Variants in CBFA2T2 observed in about 807,000 individuals in gnomAD.
CBFA2T2 encodes the protein CBFA2/RUNX1 partner transcriptional co-repressor 2.
CBFA2T2 carries 11 observed loss-of-function variants against 62.2 expected under a neutral mutation model. The ratio of observed to expected loss-of-function variants is 0.18; its 90% CI spans 0.11 to 0.29. The LOEUF (loss-of-function observed/expected upper bound fraction) is 0.29. CBFA2T2 is among the 10% of genes least tolerant of loss of function. The pLI is 1.00. For missense variants in CBFA2T2, 592 were observed against 774.1 expected (o/e 0.76, Z 2.79); for synonymous variants, 295 against 287.5 (o/e 1.03, Z -0.27).
intron 1 of CBFA2T2, among the ~76,000 whole-genome samples, chr20:33,558,000 T>C (rs2012958408): frequency 6.6e-6 from 1 of 152,164 alleles, no homozygotes; most frequent in Non-Finnish European, 1.5e-5. Context: ...TACGCCTGGC[T>C]AAATTTTTAG....
intron 1 of CBFA2T2, among the ~76,000 whole-genome samples, chr20:33,558,826 G>GGT (rs975086458): frequency 2.0e-5 from 3 of 151,820 alleles, no homozygotes; most frequent in African/African-American, 7.3e-5. Context: ...AACTGTTTGG[G>GGT]GGGGCGGCGA....
chr20:33,585,468 A>G lies in CBFA2T2; in HGVS notation c.35-21488A>G, dbSNP rs1337777097. On this transcript the variant is annotated intron_variant, in intron 1 of 10. Coordinates refer to ENST00000342704, the MANE Select transcript of CBFA2T2 (RefSeq NM_001032999.3). ...ATGCATTTCGCCAAGTGTTGAATGA[A>G]TGATCCTTCATAATTACAATTTTTA... Among the ~76,000 whole-genome samples, 3 of 152,146 alleles carry G rather than the reference A, an allele frequency of 2.0e-5. No individual in the cohort carries two copies. In the East Asian group the frequency reaches 5.8e-4, roughly 29 times the overall value.
intron 2 of CBFA2T2, among the ~76,000 whole-genome samples, chr20:33,610,868 T>G (rs1278653326): frequency 6.6e-6 from 1 of 152,214 alleles, no homozygotes; most frequent in East Asian, 1.9e-4. Context: ...ATTTCCCTTC[T>G]TATTGCTCTG....
intron 1 of CBFA2T2, among the ~76,000 whole-genome samples, chr20:33,566,466 C>T (rs529486015): frequency 7.3e-4 from 111 of 152,036 alleles, no homozygotes; most frequent in Admixed American, 1.8e-3. Context: ...ATTAGCCGGG[C>T]GTGGTGACAT....
At chr20:33,619,962 G>A (rs1436448295) in intron 4 of CBFA2T2, among the ~76,000 whole-genome samples, 1 of 152,182 alleles carries the variant, frequency 6.6e-6, no homozygotes, top group African/African-American at 2.4e-5. Context: ...TGTGAAGAGT[G>A]TTGTCTGAGA....
At chr20:33,620,061 G>A (rs1385926712) in intron 4 of CBFA2T2, among the ~76,000 whole-genome samples, 3 of 152,222 alleles carry the variant, frequency 2.0e-5, no homozygotes, top group African/African-American at 7.2e-5. Flanking sequence ...GTGTCTCCCC[G>A]AACCCCAGAT....
At chr20:33,499,940 G>C (rs952093340) in intron 1 of CBFA2T2, among the ~76,000 whole-genome samples, 2 of 151,894 alleles carry the variant, frequency 1.3e-5, no homozygotes, top group Non-Finnish European at 2.9e-5. Flanking sequence ...ATTATGCATT[G>C]AGTGTCCAAA....
In CBFA2T2 at chr20:33,605,160, G is replaced by C. The variant is rs1264888622; in HGVS notation, c.35-1796G>C. Among the ~76,000 whole-genome samples, 16 of 152,188 alleles carry C rather than the reference G, an allele frequency of 1.1e-4. 1 individual carries two copies. The highest frequency in any genetic ancestry group is 2.4e-4 in the Non-Finnish European group (16 of 68,030). ...CTGAAGCATAAAAATGGTATTTGGA[G>C]ATACTTTTCTACAAATACCATTGTG... On this transcript the variant is annotated intron_variant, in intron 1 of 10. Transcript: ENST00000342704.
chr20:33,616,128 GA>G (rs2015703907), intron 3 of CBFA2T2, among the ~76,000 whole-genome samples: 1 of 147,644 alleles, frequency 6.8e-6, no homozygotes, highest in Non-Finnish European at 1.5e-5. Context: ...TAGATAGATA[GA>G]TAGATGACAG....
Position 33,603,860 on chromosome 20 carries a change from A to G in CBFA2T2, c.35-3096A>G, listed in dbSNP as rs564331143. On this transcript the variant is annotated intron_variant, in intron 1 of 10. Transcript: ENST00000342704. ...GAAGTCACCATAACTAGGATGACAT[A>G]AAGGCATGTCATAGCCTTCTTCCTA... Among the ~76,000 whole-genome samples, 3 of 152,344 alleles carry G rather than the reference A, an allele frequency of 2.0e-5. No individual in the cohort carries two copies. The South Asian group carries it at 6.2e-4, about 32-fold the overall frequency.
rs1293917345 is a variant in CBFA2T2, at chr20:33,640,754, T to TAG, written c.1488+224_1488+225insGA. On this transcript the variant is annotated intron_variant, in intron 10 of 10. Coordinates refer to ENST00000342704, the MANE Select transcript of CBFA2T2 (RefSeq NM_001032999.3). ...GTATTTTTACATACATACATATATA[T>TAG]ATAGAGAGAGAGAGAGAGGCTCAGT... 4.3e-4 allele frequency among the ~76,000 whole-genome samples: 65 copies of TAG among 151,782 alleles called. 1 individual carries two copies. Among genetic ancestry groups the TAG allele is most frequent in the Middle Eastern group, 3.4e-3 (1 of 290 alleles).
chr20:33,504,529 G>A (rs925338605), intron 1 of CBFA2T2, among the ~76,000 whole-genome samples: 4 of 150,446 alleles, frequency 2.7e-5, no homozygotes, highest in Admixed American at 1.3e-4. Flanking sequence ...TCAGTCTGCC[G>A]AGTAGCTGGG....
intron 1 of CBFA2T2, among the ~76,000 whole-genome samples, chr20:33,529,691 A>C (rs905934233): frequency 1.3e-5 from 2 of 150,450 alleles, no homozygotes; most frequent in South Asian, 4.2e-4. Context: ...AACAAAAAAA[A>C]ACTAGGCATA....
chr20:33,537,234 C>T (rs1171216770), intron 1 of CBFA2T2, among the ~76,000 whole-genome samples: 3 of 152,248 alleles, frequency 2.0e-5, no homozygotes, highest in Non-Finnish European at 2.9e-5. Flanking sequence ...TCTGCAATCC[C>T]GGCACCTCGC....
intron 1 of CBFA2T2, among the ~76,000 whole-genome samples, chr20:33,503,254 C>CTTTTTTTTTTT (rs557746879): frequency 3.7e-5 from 4 of 108,644 alleles, no homozygotes; most frequent in African/African-American, 7.3e-5. Flanking sequence ...TTCTTTCTTT[C>CTTTTTTTTTTT]TTTTTTTTTT....
intron 1 of CBFA2T2, among the ~76,000 whole-genome samples, chr20:33,572,858 T>C (rs2013630399): frequency 6.6e-6 from 1 of 152,244 alleles, no homozygotes; most frequent in Non-Finnish European, 1.5e-5. Context: ...AAGATCATTC[T>C]TCCTGTCATA....
intron 1 of CBFA2T2, among the ~76,000 whole-genome samples, chr20:33,590,031 T>C (rs971223369): frequency 6.6e-6 from 1 of 151,800 alleles, no homozygotes; most frequent in African/African-American, 2.4e-5. Flanking sequence ...GGTGGCAGGA[T>C]CACTTGAGGC....
intron 8 of CBFA2T2, among the ~76,000 whole-genome samples, chr20:33,633,377 A>AT (rs1292639789): frequency 6.8e-6 from 1 of 147,506 alleles, no homozygotes; most frequent in Admixed American, 6.7e-5. Context: ...TCGCAAAAAA[A>AT]AAATAAATAA....
intron 8 of CBFA2T2, among the ~76,000 whole-genome samples, chr20:33,630,918 G>A (rs1230331105): frequency 6.6e-6 from 1 of 152,192 alleles, no homozygotes; most frequent in Admixed American, 6.5e-5. Flanking sequence ...CACAGCAGCA[G>A]CTCTGGAGCC....
Sources: allele counts gnomAD v4.1 joint callset (sites outside exome capture counted in the v4.1 genomes callset), GRCh38; gene constraint gnomAD v4.1.1; transcripts MANE v1.5; gene names NCBI Gene and HGNC (gene_info 2026-07-23, HGNC 2026-07-21).